Variants in STXBP5L observed in about 807,000 individuals in gnomAD.
STXBP5L encodes syntaxin binding protein 5L.
Under a neutral mutation model 144.5 loss-of-function variants are expected in STXBP5L, and 65 were observed. The ratio of observed to expected loss-of-function variants is 0.45; its 90% CI spans 0.37 to 0.55. The LOEUF is 0.55. Among genes scored for constraint, STXBP5L ranks in the 20% least tolerant of loss-of-function variants. The pLI is 0.00. For missense variants in STXBP5L, 1,298 were observed against 1,405.5 expected, an observed-to-expected ratio of 0.92 and a Z score of 1.22; for synonymous variants, 505 against 469.6, an observed-to-expected ratio of 1.08 and a Z score of -0.97.
chr3:121,173,649 C>A (rs572021217), intron 9 of STXBP5L, among the ~76,000 whole-genome samples: 2 of 151,966 alleles, frequency 1.3e-5, no homozygotes, highest in African/African-American at 4.8e-5. Flanking sequence ...ATATACTGTA[C>A]CCTTAGAGAA....
intron 20 of STXBP5L, among the ~76,000 whole-genome samples, chr3:121,329,706 CA>C (rs1309961640): frequency 6.6e-6 from 1 of 151,946 alleles, no homozygotes; most frequent in African/African-American, 2.4e-5. Context: ...ACTAAAAACA[CA>C]AAAATTAGCC....
intron 20 of STXBP5L, among the ~76,000 whole-genome samples, chr3:121,343,563 A>G (rs1416170807): frequency 6.6e-6 from 1 of 152,148 alleles, no homozygotes; most frequent in African/African-American, 2.4e-5. Context: ...CAGGATACAA[A>G]ATCAATGTAC....
intron 19 of STXBP5L, among the ~76,000 whole-genome samples, chr3:121,315,177 C>T (rs951432185): frequency 7.9e-5 from 12 of 152,132 alleles, no homozygotes; most frequent in African/African-American, 2.9e-4. Flanking sequence ...TATAAAGACA[C>T]ATGCACACGT....
chr3:121,411,047 T>C (rs2047104120), intron 23 of STXBP5L, among the ~76,000 whole-genome samples: 2 of 152,136 alleles, frequency 1.3e-5, no homozygotes, highest in Admixed American at 1.3e-4. Flanking sequence ...TTTGGACTCA[T>C]ATCTTAAGGA....
intron 3 of STXBP5L, among the ~76,000 whole-genome samples, chr3:121,037,109 A>T (rs1463836914): frequency 1.3e-5 from 2 of 151,552 alleles, no homozygotes; most frequent in African/African-American, 4.8e-5. Flanking sequence ...CAAAAATCTT[A>T]TCTGTAGAGA....
chr3:121,217,919 T>C (rs777962600), intron 10 of STXBP5L, among the ~76,000 whole-genome samples: 6 of 149,624 alleles, frequency 4.0e-5, no homozygotes, highest in Non-Finnish European at 7.4e-5. Flanking sequence ...TCTGTTGGAT[T>C]CTCAACAGTA....
intron 14 of STXBP5L, among the ~76,000 whole-genome samples, chr3:121,247,080 A>T (rs1198288367): frequency 6.6e-6 from 1 of 152,210 alleles, no homozygotes; most frequent in Non-Finnish European, 1.5e-5. Flanking sequence ...AGTTATGTAA[A>T]TTACATCTGA....
chr3:121,299,561 A>C (rs762809275), intron 19 of STXBP5L, among the ~76,000 whole-genome samples: 16 of 152,214 alleles, frequency 1.1e-4, no homozygotes, highest in Middle Eastern at 6.8e-3. Flanking sequence ...ATCCAAACAG[A>C]AGCACAGAGT....
intron 3 of STXBP5L, among the ~76,000 whole-genome samples, chr3:121,012,942 G>C (rs1944888391): frequency 6.6e-6 from 1 of 151,880 alleles, no homozygotes; most frequent in Admixed American, 6.6e-5. Context: ...AGAAGATGCA[G>C]TATTTGATTT....
intron 3 of STXBP5L, among the ~76,000 whole-genome samples, chr3:121,000,250 A>G (rs1943663228): frequency 6.6e-6 from 1 of 152,130 alleles, no homozygotes; most frequent in Non-Finnish European, 1.5e-5. Flanking sequence ...GACACTAAGG[A>G]GTCATAGATT....
At position 121,008,757 on chromosome 3, in the gene STXBP5L, G is replaced by A. The variant is rs912109365; in HGVS notation, c.288-32943G>A. Among the ~76,000 whole-genome samples, 3 of 151,972 alleles carry A rather than the reference G, an allele frequency of 2.0e-5. No individual in the cohort carries two copies. In the East Asian group the frequency reaches 5.8e-4, roughly 29 times the overall value. ...TTTCATCTCCTTCATTGTCAACTGG[G>A]TCCTTTGGTTTGAGGCAATTTTATA... On this transcript the variant is annotated intron_variant, in intron 3 of 26. Transcript: ENST00000471454.
intron 5 of STXBP5L, among the ~76,000 whole-genome samples, chr3:121,072,808 A>G (rs2041861654): frequency 6.6e-6 from 1 of 152,164 alleles, no homozygotes; most frequent in Admixed American, 6.5e-5. Flanking sequence ...TACGGCTTCT[A>G]AGAGCTTCTC....
At chr3:121,139,831 C>T (rs2045418929) in intron 7 of STXBP5L, among the ~76,000 whole-genome samples, 1 of 151,966 alleles carries the variant, frequency 6.6e-6, no homozygotes, top group East Asian at 1.9e-4. Flanking sequence ...GTATGTTGGA[C>T]AAACCATCAC....
chr3:121,008,850 T>C (rs1424264242), intron 3 of STXBP5L, among the ~76,000 whole-genome samples: 2 of 152,048 alleles, frequency 1.3e-5, no homozygotes, highest in East Asian at 1.9e-4. Context: ...AAAATCCATA[T>C]TTAGAATATG....
At chr3:121,199,295 T>G (rs1437613529) in intron 9 of STXBP5L, among the ~76,000 whole-genome samples, 1 of 152,164 alleles carries the variant, frequency 6.6e-6, no homozygotes, top group Non-Finnish European at 1.5e-5. Flanking sequence ...CTATTATCGA[T>G]GTATAGGAAT....
chr3:120,913,779 A>G (rs1035680874), intron 2 of STXBP5L, among the ~76,000 whole-genome samples: 4 of 152,030 alleles, frequency 2.6e-5, no homozygotes, highest in Admixed American at 6.6e-5. Flanking sequence ...AGTGATATGT[A>G]TAAAGCAAGG....
At chr3:121,323,093 T>A (rs571308388) in intron 20 of STXBP5L, among the ~76,000 whole-genome samples, 1 of 152,162 alleles carries the variant, frequency 6.6e-6, no homozygotes, top group Admixed American at 6.6e-5. Flanking sequence ...CTGGATATTA[T>A]AACTTAGTTG....
At chr3:121,408,906 T>C (rs1253842050) in intron 23 of STXBP5L, among the ~76,000 whole-genome samples, 1 of 151,910 alleles carries the variant, frequency 6.6e-6, no homozygotes, top group East Asian at 1.9e-4. Context: ...AGGTTAAAAA[T>C]TTTTTTGAAC....
At chr3:121,184,280 C>A (rs1348298156) in intron 9 of STXBP5L, among the ~76,000 whole-genome samples, 1 of 149,054 alleles carries the variant, frequency 6.7e-6, no homozygotes, top group Non-Finnish European at 1.5e-5. Context: ...GCTAAAGGAG[C>A]ATGTTCTAAC....
Sources: gnomAD v4.1 joint callset for allele counts (sites outside exome capture counted in the v4.1 genomes callset) on GRCh38, gnomAD v4.1.1 for gene constraint, MANE v1.5 for transcripts, NCBI Gene and HGNC (gene_info 2026-07-23, HGNC 2026-07-21) for gene names.